Variants in MTMR2 observed in about 807,000 individuals in gnomAD.
The protein encoded by MTMR2 is phosphatidylinositol-3,5-bisphosphate 3-phosphatase MTMR2.
MTMR2 carries 55 observed loss-of-function variants against 86.9 expected under a neutral mutation model. The ratio of observed to expected loss-of-function variants is 0.63; its 90% CI spans 0.51 to 0.79. MTMR2 has a LOEUF of 0.79. MTMR2 is among the 30% of genes least tolerant of loss of function. The pLI is 0.00. For synonymous variants in MTMR2, 241 were observed against 266.8 expected, an observed-to-expected ratio of 0.90 and a Z score of 0.94; for missense variants, 659 against 772.3, an observed-to-expected ratio of 0.85 and a Z score of 1.74.
chr11:95,853,534 T>C (rs1211432291), intron 7 of MTMR2, among the ~76,000 whole-genome samples: 2 of 152,188 alleles, frequency 1.3e-5, no homozygotes, highest in Non-Finnish European at 2.9e-5. Flanking sequence ...TCTACAATCC[T>C]GCTTTCTCCA....
chr11:95,892,642 C>T (rs748868989), intron 1 of MTMR2, among the ~76,000 whole-genome samples: 50 of 152,312 alleles, frequency 3.3e-4, no homozygotes, highest in Non-Finnish European at 5.7e-4. Context: ...TTTTCCTTGT[C>T]AACCTGGGCC....
At position 95,923,939 on chromosome 11, in the gene MTMR2, T is replaced by A. The variant is rs377006678; in HGVS notation, c.16A>T (p.Ser6Cys). The change falls in exon 1 of 15, where the codon AGC (serine) becomes TGC (cysteine). Residue 6 changes from serine to cysteine, a missense_variant. By Grantham distance (112) the Ser-to-Cys change is moderately radical. Transcript: ENST00000346299. Reference sequence around the variant, plus strand: ...GGCTGGGAGCCAAGACTCTCGCAGCTCGAGCTCTTCTCCATCGCGCGGCAG... The same window carrying A: ...GGCTGGGAGCCAAGACTCTCGCAGCACGAGCTCTTCTCCATCGCGCGGCAG... MEKSS[S>C]CESLGSQPAA... is the part of the protein sequence containing the mutation. 9.5e-5 allele frequency: 148 copies of A among 1,560,562 alleles called. 1 individual carries two copies. In the Middle Eastern group the frequency reaches 1.7e-3, roughly 18 times the overall value.
At position 95,836,149 on chromosome 11, in the gene MTMR2, T is replaced by G. The variant is rs1407173800; in HGVS notation, c.1769A>C (p.Gln590Pro). The part of the protein sequence containing the change: ...YIRWNPRMKP[Q>P]EPIHNRYKEL... ...CATTGTATATTGTAAGGCACATACCTGTGGTTTCATCCGTGGATTCCACCT... is the reference window on the plus strand; with the variant it reads ...CATTGTATATTGTAAGGCACATACCGGTGGTTTCATCCGTGGATTCCACCT... Residue 590 changes from glutamine to proline, a missense_variant and splice_region_variant, in exon 14 of 15, where the codon CAG becomes CCG. By Grantham distance (76) the Gln-to-Pro change is moderately conservative. Transcript: ENST00000346299. 6.2e-6 allele frequency: 10 copies of G among 1,612,252 alleles called. No individual in the cohort carries two copies. The highest frequency in any genetic ancestry group is 8.5e-6 in the Non-Finnish European group (10 of 1,178,492).
chr11:95,917,851 A>G (rs535014847), intron 1 of MTMR2, among the ~76,000 whole-genome samples: 1 of 152,316 alleles, frequency 6.6e-6, no homozygotes, highest in East Asian at 1.9e-4. Flanking sequence ...GAAAATCCAC[A>G]TAAAAGTGGA....
intron 2 of MTMR2, among the ~76,000 whole-genome samples, chr11:95,868,458 G>A (rs555953875): frequency 6.6e-6 from 1 of 152,024 alleles, no homozygotes; most frequent in East Asian, 1.9e-4. Flanking sequence ...GCAACAAATT[G>A]CATTGGTTAT....
intron 11 of MTMR2, among the ~76,000 whole-genome samples, chr11:95,843,510 A>C (rs1366149695): frequency 3.3e-5 from 5 of 152,222 alleles, no homozygotes; most frequent in Admixed American, 3.3e-4. Flanking sequence ...GTTCTGGCGT[A>C]GTATCAAAGA....
chr11:95,880,554 A>G (rs562462149), intron 2 of MTMR2, among the ~76,000 whole-genome samples: 4 of 152,162 alleles, frequency 2.6e-5, no homozygotes, highest in Admixed American at 2.6e-4. Context: ...CTGTATGAGA[A>G]TTCCCACTGC....
intron 10 of MTMR2, among the ~76,000 whole-genome samples, chr11:95,846,280 T>C (rs1001071824): frequency 5.3e-5 from 8 of 152,206 alleles, no homozygotes; most frequent in African/African-American, 1.9e-4. Context: ...ATTCATTAAA[T>C]AAACATTTAT....
At chr11:95,875,936 T>C (rs1217268104) in intron 2 of MTMR2, among the ~76,000 whole-genome samples, 1 of 152,206 alleles carries the variant, frequency 6.6e-6, no homozygotes, top group Non-Finnish European at 1.5e-5. Context: ...ACAGCAAATG[T>C]TGCTGCCTGA....
chr11:95,848,606 TCCTA>T (rs775018251), intron 9 of MTMR2, among the ~76,000 whole-genome samples: 2 of 152,188 alleles, frequency 1.3e-5, no homozygotes, highest in African/African-American at 4.8e-5. Flanking sequence ...ATATTCTATC[TCCTA>T]CCTAACTCGT....
At chr11:95,844,616 T>C (rs1317699414) in intron 11 of MTMR2, among the ~76,000 whole-genome samples, 1 of 152,112 alleles carries the variant, frequency 6.6e-6, no homozygotes, top group Admixed American at 6.6e-5. Flanking sequence ...AGGTAAACAT[T>C]ACAGACAGCA....
chr11:95,868,420 T>C (rs1482203572), intron 2 of MTMR2, among the ~76,000 whole-genome samples: 15 of 150,266 alleles, frequency 1.0e-4, no homozygotes, highest in African/African-American at 2.5e-5. Flanking sequence ...AAAAATGTAA[T>C]AGCAGAAATA....
At chr11:95,857,468 G>T in intron 7 of MTMR2, 84 bp downstream of exon 7, 2 of 909,228 alleles carry the variant, frequency 2.2e-6, no homozygotes, top group East Asian at 2.5e-5. Flanking sequence ...GAGATATGCT[G>T]GTTTTCGTAC....
intron 1 of MTMR2, among the ~76,000 whole-genome samples, chr11:95,907,602 C>CA (rs988434920): frequency 1.3e-5 from 2 of 152,040 alleles, no homozygotes; most frequent in Admixed American, 6.6e-5. Flanking sequence ...AACATAGCTG[C>CA]AAAAATCCTT....
rs1863122374 is a variant in MTMR2 at position 95,833,614 on chromosome 11, T to C, written c.*1676A>G. The C allele has an allele frequency of 6.6e-6, 1 of 152,120 alleles. No homozygotes were observed. Among genetic ancestry groups the C allele is most frequent in the Admixed American group, 6.6e-5 (1 of 15,250 alleles). The allele number at this position is 152,120 out of a possible 1,614,324, so 9.4% of individuals were successfully genotyped here. ...TTTGAATTTGAAGTGGATGCAAGTA[T>C]GTTAAGACTAGAAGCTTTAAATTCT... On this transcript the variant is annotated 3_prime_UTR_variant, in exon 15 of 15. Coordinates refer to ENST00000346299, the MANE Select transcript of MTMR2 (RefSeq NM_016156.6).
At chr11:95,899,760 A>G (rs1408305523) in intron 1 of MTMR2, among the ~76,000 whole-genome samples, 3 of 152,124 alleles carry the variant, frequency 2.0e-5, no homozygotes. Context: ...TTGATGGTAA[A>G]GCAAAAGAGT....
At chr11:95,896,322 GTTT>G (rs563585213) in intron 1 of MTMR2, among the ~76,000 whole-genome samples, 1 of 144,612 alleles carries the variant, frequency 6.9e-6, no homozygotes, top group Non-Finnish European at 1.5e-5. Context: ...TGTTTTTTTG[GTTT>G]TTTTTTTTGA....
chr11:95,909,545 G>A (rs1282232233), intron 1 of MTMR2, among the ~76,000 whole-genome samples: 1 of 152,100 alleles, frequency 6.6e-6, no homozygotes, highest in Admixed American at 6.6e-5. Context: ...TTCCTCGGAA[G>A]GATGGAGACT....
Position 95,923,909 on chromosome 11 carries a change from C to T in MTMR2, c.46G>A (p.Ala16Thr), listed in dbSNP as rs1867033626. 6.4e-7 allele frequency: 1 copy of T among 1,559,600 alleles called. No individual in the cohort carries two copies. Among genetic ancestry groups the T allele is most frequent in the Admixed American group, 1.9e-5 (1 of 52,334 alleles). ...GAGTCCACGCTGGGCGGCCGAGCCG[C>T]CGCCGGCTGGGAGCCAAGACTCTCG... ...SCESLGSQPA[A>T]ARPPSVDSLS... Residue 16 changes from alanine (A) to threonine (T), a missense_variant, in exon 1 of 15, where the codon GCG becomes ACG. Coordinates refer to ENST00000346299, the MANE Select transcript of MTMR2 (RefSeq NM_016156.6).
Sources: gnomAD v4.1 joint callset for allele counts (sites outside exome capture counted in the v4.1 genomes callset) on GRCh38, gnomAD v4.1.1 for gene constraint, MANE v1.5 for transcripts, NCBI Gene and HGNC (gene_info 2026-07-23, HGNC 2026-07-21) for gene names.